NRL: variants seen among roughly 807,000 people sequenced by gnomAD.
The protein encoded by NRL is neural retina leucine zipper.
A neutral mutation model predicts 12.5 loss-of-function variants in NRL; 16 were observed. The ratio of observed to expected loss-of-function variants is 1.28; its 90% confidence interval spans 0.87 to 1.95. NRL has a LOEUF of 1.95. Among genes scored for constraint, NRL ranks in the 30% most tolerant of loss-of-function variants. The pLI, the probability that NRL is intolerant of heterozygous loss-of-function variation, is 0.00. For synonymous variants in NRL, 142 were observed against 150.9 expected (o/e 0.94, Z 0.43); for missense variants, 314 against 325.8 (o/e 0.96, Z 0.28).
intron 1 of NRL, among the ~76,000 whole-genome samples, chr14:24,092,351 G>T (rs1432034317): frequency 6.6e-6 from 1 of 152,170 alleles, no homozygotes; most frequent in African/African-American, 2.4e-5. Flanking sequence ...AATTCCAAAG[G>T]TCCTGGCATC....
At chr14:24,098,770 C>A in intron 1 of NRL, 2 of 1,093,204 alleles carry the variant, frequency 1.8e-6, no homozygotes, top group South Asian at 1.4e-5. Context: ...CCCTAAGAAC[C>A]TGTCCTCTCT....
intron 1 of NRL, chr14:24,097,224 C>A: frequency 8.1e-7 from 1 of 1,228,198 alleles, no homozygotes; most frequent in Non-Finnish European, 1.2e-6. Flanking sequence ...ACTAGAACAT[C>A]CCAATGGAAT....
intron 1 of NRL, among the ~76,000 whole-genome samples, chr14:24,088,459 A>G (rs1479844379): frequency 6.6e-6 from 1 of 152,262 alleles, no homozygotes; most frequent in African/African-American, 2.4e-5. Flanking sequence ...AAGTGGGCCC[A>G]GCTGAGGGCC....
chr14:24,102,395 A>G (rs2037197494), intron 1 of NRL, among the ~76,000 whole-genome samples: 1 of 152,196 alleles, frequency 6.6e-6, no homozygotes, highest in Admixed American at 6.5e-5. Flanking sequence ...ACAAATAATG[A>G]AATAGTTTCT....
chr14:24,088,142 C>G (rs1211548621), intron 1 of NRL, among the ~76,000 whole-genome samples: 1 of 152,236 alleles, frequency 6.6e-6, no homozygotes, highest in Non-Finnish European at 1.5e-5. Flanking sequence ...TGTCCCACCA[C>G]ATGGGTGAGG....
intron 1 of NRL, among the ~76,000 whole-genome samples, chr14:24,101,720 C>T (rs904842689): frequency 6.6e-6 from 1 of 152,024 alleles, no homozygotes; most frequent in Non-Finnish European, 1.5e-5. Flanking sequence ...GTCAGGAGTT[C>T]GAGACCAGCC....
chr14:24,096,832 C>G, intron 1 of NRL: 1 of 1,504,132 alleles, frequency 6.6e-7, no homozygotes, highest in Non-Finnish European at 9.1e-7. Context: ...GTCTCTCCAC[C>G]ACCTGCCTTG....
At position 24,114,755 on chromosome 14, in the gene NRL, T is replaced by C. The variant is rs1436186187; in HGVS notation, c.-61A>G. 2 of 985,812 alleles carry C rather than the reference T, an allele frequency of 2.0e-6. No homozygotes were observed. Among genetic ancestry groups the C allele is most frequent in the Non-Finnish European group, 1.2e-6 (1 of 829,956 alleles). The allele number at this position is 985,812 out of a possible 1,614,324, so 61.1% of individuals were successfully genotyped here. A position where few individuals can be genotyped will look rare whatever the true frequency, so the allele number is the denominator to read the frequency against. On this transcript the variant is annotated 5_prime_UTR_variant, in exon 1 of 3. Coordinates refer to ENST00000561028, the MANE Select transcript of NRL (RefSeq NM_001354768.3). ...CATCGTGCTCCGCTGTCCAGTTGGC[T>C]GGCCAAGGGGGCGGGGCCGTCGTGT...
chr14:24,099,816 T>C, intron 1 of NRL: 1 of 1,511,486 alleles, frequency 6.6e-7, no homozygotes, highest in African/African-American at 1.4e-5. Flanking sequence ...AGTGAGAAAG[T>C]TTCCTGAACA....
chr14:24,082,290 G>C (rs766735561), intron 2 of NRL, among the ~76,000 whole-genome samples, 178 bp downstream of exon 2: 3 of 152,158 alleles, frequency 2.0e-5, no homozygotes, highest in Non-Finnish European at 4.4e-5. Context: ...TTTAAGAAAA[G>C]GGGGAGAAGC....
At chr14:24,105,409 G>A (rs1398793744) in intron 1 of NRL, among the ~76,000 whole-genome samples, 1 of 152,232 alleles carries the variant, frequency 6.6e-6, no homozygotes, top group Non-Finnish European at 1.5e-5. Context: ...GATTTTGGGG[G>A]CCTATTCCCA....
At position 24,081,185 on chromosome 14, in the gene NRL, GC is replaced by G; in HGVS notation, c.*50del. 1 of 1,292,556 alleles carries G rather than the reference GC, an allele frequency of 7.7e-7. No individual in the cohort carries two copies. Among genetic ancestry groups the G allele is most frequent in the Non-Finnish European group, 1.0e-6 (1 of 990,678 alleles). 80.1% of individuals were successfully genotyped at this position (1,292,556 alleles called of 1,614,324 possible). ...AGAGAACCGTGCAGCCGCCTCCTGG[GC>G]GGAGCCACCCCACCCAGCCCCCACT... On this transcript the variant is annotated 3_prime_UTR_variant, in exon 3 of 3. Coordinates refer to ENST00000561028, the MANE Select transcript of NRL (RefSeq NM_001354768.3). The surrounding 1 kb of genome is among the most constrained non-coding windows in gnomAD (Gnocchi z 4.4).
At chr14:24,106,119 T>C (rs2037335855) in intron 1 of NRL, among the ~76,000 whole-genome samples, 2 of 152,126 alleles carry the variant, frequency 1.3e-5, no homozygotes, top group African/African-American at 4.8e-5. Flanking sequence ...TGAAATAAAC[T>C]TTGGAGAGTA....
Position 24,114,875 on chromosome 14 carries a change from G to A in NRL, c.-181C>T, listed in dbSNP as rs1371516334. ...TTGGCCAACGCAGTGGCGGCAGTCG[G>A]TGTAAACAAGGCCTCGCGCCGCTGC... On this transcript the variant is annotated 5_prime_UTR_variant, in exon 1 of 3. Coordinates refer to ENST00000561028, the MANE Select transcript of NRL (RefSeq NM_001354768.3). The A allele has an allele frequency of 1.0e-6, 1 of 985,954 alleles. No homozygotes were observed. The highest frequency in any genetic ancestry group is 1.7e-5 in the African/African-American group (1 of 57,384). 61.1% of individuals were successfully genotyped at this position (985,954 alleles called of 1,614,324 possible).
At chr14:24,089,168 C>T (rs1300886418) in intron 1 of NRL, among the ~76,000 whole-genome samples, 4 of 151,862 alleles carry the variant, frequency 2.6e-5, no homozygotes, top group African/African-American at 9.7e-5. Flanking sequence ...AACTCCTGAC[C>T]TCAAATGATC....
chr14:24,109,801 C>A (rs2037392069), intron 1 of NRL, among the ~76,000 whole-genome samples: 1 of 151,806 alleles, frequency 6.6e-6, no homozygotes, highest in Non-Finnish European at 1.5e-5. Context: ...TCAATTTTGT[C>A]ATAAAACCTC....
chr14:24,105,646 C>T (rs2037326195), intron 1 of NRL, among the ~76,000 whole-genome samples: 1 of 152,246 alleles, frequency 6.6e-6, no homozygotes, highest in Non-Finnish European at 1.5e-5. Flanking sequence ...CCACCGGGCG[C>T]AGTGGCTCAT....
At chr14:24,093,076 C>T (rs555619604) in intron 1 of NRL, 1 of 152,366 alleles carries the variant, frequency 6.6e-6, no homozygotes, top group East Asian at 1.9e-4. Context: ...GTGAGGAACA[C>T]AAAAGTTGGC....
Position 24,080,407 on chromosome 14 carries a change from T to C in NRL, c.*829A>G, listed in dbSNP as rs763970615. ...CTGCAGCTGGGAAACTGCAGCAGGA[T>C]AGGAGGTGCCTTTGGCGAGATTGTC... On this transcript the variant is annotated 3_prime_UTR_variant, in exon 3 of 3. Transcript: ENST00000561028. 5.3e-5 allele frequency: 8 copies of C among 152,358 alleles called. No individual in the cohort carries two copies. The highest frequency in any genetic ancestry group is 1.9e-4 in the East Asian group (1 of 5,180). The allele number at this position is 152,358 out of a possible 1,614,324, so 9.4% of individuals were successfully genotyped here.
Sources: gnomAD v4.1 joint callset for allele counts (sites outside exome capture counted in the v4.1 genomes callset) on GRCh38, gnomAD v4.1.1 for gene constraint, Gnocchi (gnomAD v3.1) non-coding constraint, MANE v1.5 for transcripts, NCBI Gene and HGNC (gene_info 2026-07-23, HGNC 2026-07-21) for gene names.